The following MECOM variants were observed in gnomAD, a reference collection of about 807,000 sequenced individuals.
MECOM encodes the protein MDS1 and EVI1 complex locus, also known as histone-lysine N-methyltransferase MECOM.
A neutral mutation model predicts 116.3 loss-of-function variants in MECOM; 13 were observed. The ratio of observed to expected loss-of-function variants is 0.11; its 90% confidence interval spans 0.07 to 0.18. The LOEUF is 0.18. Ranked by LOEUF, MECOM falls within the 10% of genes least tolerant of loss-of-function variation. The probability of loss-of-function intolerance (pLI) is 1.00; values close to 1 mark genes in which losing one functional copy is unlikely to be tolerated. For missense variants in MECOM, 1,299 were observed against 1,509.0 expected (o/e 0.86, Z 2.31); for synonymous variants, 528 against 535.2 (o/e 0.99, Z 0.19).
At chr3:169,569,469 G>A (rs902496598) in intron 1 of MECOM, among the ~76,000 whole-genome samples, 1 of 152,152 alleles carries the variant, frequency 6.6e-6, no homozygotes, top group Non-Finnish European at 1.5e-5. Context: ...AATCAGCTCT[G>A]GACCAAGCAG....
At chr3:169,219,373 G>C (rs1225075183) in intron 2 of MECOM, among the ~76,000 whole-genome samples, 1 of 152,168 alleles carries the variant, frequency 6.6e-6, no homozygotes, top group African/African-American at 2.4e-5. Context: ...CAGGCGTGGT[G>C]GTGGGCGCCT....
chr3:169,170,403 C>CAAAAAAA (rs71634426), intron 2 of MECOM, among the ~76,000 whole-genome samples: 1 of 74,368 alleles, frequency 1.3e-5, no homozygotes, highest in Non-Finnish European at 2.7e-5. Flanking sequence ...AAGACTCTGT[C>CAAAAAAA]AAAAAAAAAA....
intron 1 of MECOM, among the ~76,000 whole-genome samples, chr3:169,591,577 G>A (rs1488656668): frequency 6.6e-6 from 1 of 152,132 alleles, no homozygotes; most frequent in East Asian, 1.9e-4. Flanking sequence ...TCTTCTGTCT[G>A]AGTCCAAAGC....
chr3:169,182,954 G>A (rs1746167205), intron 2 of MECOM, among the ~76,000 whole-genome samples: 3 of 152,098 alleles, frequency 2.0e-5, no homozygotes. Flanking sequence ...TCTGGCTCAG[G>A]ACTAAGACAT....
intron 1 of MECOM, among the ~76,000 whole-genome samples, chr3:169,546,325 C>T (rs1215786083): frequency 3.9e-5 from 6 of 152,106 alleles, no homozygotes; most frequent in African/African-American, 1.4e-4. Flanking sequence ...ATATTAATGG[C>T]TTTCTTTACA....
intron 1 of MECOM, among the ~76,000 whole-genome samples, chr3:169,602,883 C>T (rs1767991087): frequency 6.6e-6 from 1 of 152,116 alleles, no homozygotes; most frequent in Admixed American, 6.5e-5. Context: ...TCGTTAGAAA[C>T]ATACCACCAA....
intron 1 of MECOM, among the ~76,000 whole-genome samples, chr3:169,407,100 G>A (rs1189659722): frequency 6.6e-6 from 1 of 151,796 alleles, no homozygotes; most frequent in East Asian, 1.9e-4. Flanking sequence ...ACCCACCTCG[G>A]CCTCCCAAAG....
intron 2 of MECOM, among the ~76,000 whole-genome samples, chr3:169,332,161 C>T (rs969661148): frequency 6.6e-6 from 1 of 152,080 alleles, no homozygotes; most frequent in Non-Finnish European, 1.5e-5. Flanking sequence ...CAGGGGGAAA[C>T]TCTTAAGAAA....
chr3:169,523,630 C>T (rs922168919), intron 1 of MECOM, among the ~76,000 whole-genome samples: 1 of 152,056 alleles, frequency 6.6e-6, no homozygotes, highest in South Asian at 2.1e-4. Flanking sequence ...TGTAACCATT[C>T]CCAAACTTCT....
chr3:169,438,950 A>T (rs1743163799), intron 1 of MECOM, among the ~76,000 whole-genome samples: 1 of 152,016 alleles, frequency 6.6e-6, no homozygotes, highest in South Asian at 2.1e-4. Flanking sequence ...CTCAAGCAAG[A>T]CCTACAAATT....
At chr3:169,512,520 T>C (rs1756103125) in intron 1 of MECOM, among the ~76,000 whole-genome samples, 1 of 152,180 alleles carries the variant, frequency 6.6e-6, no homozygotes, top group South Asian at 2.1e-4. Context: ...GAAACACCGT[T>C]CTCCTCATGC....
At chr3:169,336,657 A>C (rs1723631150) in intron 2 of MECOM, among the ~76,000 whole-genome samples, 1 of 152,104 alleles carries the variant, frequency 6.6e-6, no homozygotes, top group Non-Finnish European at 1.5e-5. Context: ...CACAGAAGGG[A>C]ATGACTGGGC....
intron 2 of MECOM, among the ~76,000 whole-genome samples, chr3:169,374,035 G>A (rs1368340499): frequency 5.9e-5 from 9 of 151,846 alleles, no homozygotes; most frequent in Non-Finnish European, 1.5e-5. Flanking sequence ...CCATTAGGAT[G>A]TAATTAAGGT....
intron 2 of MECOM, among the ~76,000 whole-genome samples, chr3:169,267,744 A>G (rs1405240273): frequency 1.4e-5 from 2 of 146,980 alleles, no homozygotes; most frequent in Non-Finnish European, 1.5e-5. Flanking sequence ...AAAGGAGAAC[A>G]TATCTTTAGC....
At chr3:169,334,645 G>A (rs542078874) in intron 2 of MECOM, among the ~76,000 whole-genome samples, 6 of 152,116 alleles carry the variant, frequency 3.9e-5, no homozygotes, top group African/African-American at 1.4e-4. Flanking sequence ...AGTACACTGG[G>A]AAGACAATCA....
At chr3:169,136,879 T>C (rs1736522940) in intron 3 of MECOM, among the ~76,000 whole-genome samples, 1 of 152,116 alleles carries the variant, frequency 6.6e-6, no homozygotes, top group South Asian at 2.1e-4. Context: ...ACACTGGAAG[T>C]TTTATTTATG....
rs570816219 is a variant in MECOM, at chr3:169,171,785, A to G, written c.376-27953T>C. Among the ~76,000 whole-genome samples the G allele has an allele frequency of 2.0e-5, 3 of 152,256 alleles. No individual in the cohort carries two copies. In the South Asian group the frequency reaches 6.2e-4, roughly 32 times the overall value. ...AGAGAAACAGGAAAACTGGCCTAGA[A>G]GAGCAAACTATTAAAATACAGATGA... On this transcript the variant is annotated intron_variant, in intron 2 of 16. Transcript: ENST00000651503.
At chr3:169,350,068 C>G (rs1726052398) in intron 2 of MECOM, among the ~76,000 whole-genome samples, 1 of 151,818 alleles carries the variant, frequency 6.6e-6, no homozygotes, top group Non-Finnish European at 1.5e-5. Context: ...ACAAATAATC[C>G]TTTACCTGAG....
chr3:169,170,948 C>T (rs1323077124), intron 2 of MECOM, among the ~76,000 whole-genome samples: 1 of 152,114 alleles, frequency 6.6e-6, no homozygotes, highest in East Asian at 1.9e-4. Context: ...ACAGAACAGC[C>T]TTCCATATAG....
Sources: allele counts gnomAD v4.1 joint callset (sites outside exome capture counted in the v4.1 genomes callset), GRCh38; gene constraint gnomAD v4.1.1; transcripts MANE v1.5; gene names NCBI Gene and HGNC (gene_info 2026-07-23, HGNC 2026-07-21).